Variants in NUP133 observed in about 807,000 individuals in gnomAD.
The protein encoded by NUP133 is nuclear pore complex protein Nup133.
NUP133 carries 66 observed loss-of-function variants against 146.2 expected under a neutral mutation model. The observed-to-expected ratio is 0.45, with a 90% CI of 0.37 to 0.55. The LOEUF (loss-of-function observed/expected upper bound fraction) is 0.55. Ranked by LOEUF, NUP133 falls within the 20% of genes least tolerant of loss-of-function variation. The pLI is 0.00. For synonymous variants in NUP133, 521 were observed against 498.8 expected, an observed-to-expected ratio of 1.04 and a Z score of -0.59; for missense variants, 1,277 against 1,374.8, an observed-to-expected ratio of 0.93 and a Z score of 1.12.
intron 12 of NUP133, among the ~76,000 whole-genome samples, chr1:229,478,184 G>A (rs1040677386): frequency 2.6e-5 from 4 of 152,052 alleles, no homozygotes; most frequent in Admixed American, 6.5e-5. Flanking sequence ...GAAGTTAAAT[G>A]TAACCTAAAA....
In NUP133 at chr1:229,468,675, A is replaced by C. The variant is rs141825422; in HGVS notation, c.2076+1905T>G. On this transcript the variant is annotated intron_variant, in intron 15 of 25. Transcript: ENST00000261396. ...ACTTATACTTTGCCCTTTGATCCAA[A>C]TGCAGAATAATGAACCAGGCTCTTG... is the stretch of plus-strand genomic sequence containing the variant. Among the ~76,000 whole-genome samples, 774 of 152,328 alleles carry C rather than the reference A, an allele frequency of 5.1e-3. 3 individuals are homozygous for C. The highest frequency in any genetic ancestry group is 7.2e-3 in the Non-Finnish European group (493 of 68,028).
rs984623395 is a variant in NUP133 at position 229,441,392 on chromosome 1, T to C, written c.*512A>G. Reference sequence around the variant, plus strand: ...TCAAGCTCACATGAGTTAGGCCCACTCTCCTTTGGTTTTTCATCTCATAAT... The same window carrying C: ...TCAAGCTCACATGAGTTAGGCCCACCCTCCTTTGGTTTTTCATCTCATAAT... On this transcript the variant is annotated 3_prime_UTR_variant, in exon 26 of 26. Transcript: ENST00000261396. The C allele has an allele frequency of 3.8e-6, 2 of 531,724 alleles. No homozygotes were observed. Among genetic ancestry groups the C allele is most frequent in the Non-Finnish European group, 7.7e-6 (2 of 259,346 alleles). The allele number at this position is 531,724 out of a possible 1,614,324, so 32.9% of individuals were successfully genotyped here.
intron 14 of NUP133, among the ~76,000 whole-genome samples, chr1:229,471,350 C>T (rs1660950754): frequency 6.6e-6 from 1 of 152,184 alleles, no homozygotes; most frequent in Admixed American, 6.5e-5. Context: ...CTCCTGGCCA[C>T]AAGCGAGCCT....
chr1:229,462,124 T>A (rs1262209306), intron 19 of NUP133, among the ~76,000 whole-genome samples: 2 of 152,248 alleles, frequency 1.3e-5, no homozygotes, highest in Non-Finnish European at 2.9e-5. Flanking sequence ...CCTCAGGTGA[T>A]CTGCCCACCT....
intron 2 of NUP133, among the ~76,000 whole-genome samples, chr1:229,503,978 AAT>A (rs151275172): frequency 0.22 from 33,954 of 151,576 alleles, 4,023 homozygotes; most frequent in Middle Eastern, 0.28. Flanking sequence ...CATATATACC[AAT>A]ATATATATAT....
At chr1:229,483,394 C>G (rs1261429659) in intron 12 of NUP133, among the ~76,000 whole-genome samples, 2 of 152,158 alleles carry the variant, frequency 1.3e-5, no homozygotes, top group Non-Finnish European at 2.9e-5. Context: ...AGCCACCACA[C>G]CAGGCCATAA....
At chr1:229,504,914 C>A (rs1242286753) in intron 2 of NUP133, among the ~76,000 whole-genome samples, 1 of 152,170 alleles carries the variant, frequency 6.6e-6, no homozygotes, top group Non-Finnish European at 1.5e-5. Context: ...TGCAGCATAT[C>A]CATACTGTAT....
intron 15 of NUP133, among the ~76,000 whole-genome samples, chr1:229,468,259 C>A (rs370788924): frequency 6.6e-6 from 1 of 152,106 alleles, no homozygotes; most frequent in Non-Finnish European, 1.5e-5. Context: ...TTTTGGTTAA[C>A]CAGCTCGTCC....
At chr1:229,492,679 T>A (rs1350093080) in intron 8 of NUP133, among the ~76,000 whole-genome samples, 3 of 151,938 alleles carry the variant, frequency 2.0e-5, no homozygotes, top group Non-Finnish European at 2.9e-5. Flanking sequence ...AAACCAAATA[T>A]CATATGTTCT....
At position 229,474,512 on chromosome 1, in the gene NUP133, T is replaced by C. The variant is rs149955975; in HGVS notation, c.1851+1126A>G. 5.3e-3 allele frequency among the ~76,000 whole-genome samples: 806 copies of C among 152,204 alleles called. 9 individuals are homozygous for C. Among genetic ancestry groups the C allele is most frequent in the African/African-American group, 0.019 (777 of 41,532 alleles). ...AACCATGCACAAAATTGAAAAAGAA[T>C]GTGGGATTAGGAACAATCAAGTCAT... On this transcript the variant is annotated intron_variant, in intron 14 of 25. Coordinates refer to ENST00000261396, the MANE Select transcript of NUP133 (RefSeq NM_018230.3).
intron 25 of NUP133, among the ~76,000 whole-genome samples, chr1:229,443,047 G>C (rs660198): frequency 0.34 from 50,878 of 151,738 alleles, 9,270 homozygotes; most frequent in South Asian, 0.5. Flanking sequence ...TTTTTATTGA[G>C]ACAGGGTCTC....
intron 5 of NUP133, among the ~76,000 whole-genome samples, chr1:229,498,911 T>A (rs886409627): frequency 1.3e-5 from 2 of 152,224 alleles, no homozygotes; most frequent in African/African-American, 4.8e-5. Flanking sequence ...CTATTTTATT[T>A]TTTTAGAGAT....
chr1:229,448,196 A>G (rs923237176), intron 24 of NUP133, among the ~76,000 whole-genome samples: 12 of 152,190 alleles, frequency 7.9e-5, no homozygotes, highest in African/African-American at 2.7e-4. Flanking sequence ...TGGGAGGCTG[A>G]GGTGGGCAGA....
At position 229,466,705 on chromosome 1, in the gene NUP133, C is replaced by T. The variant is rs1232614612; in HGVS notation, c.2128G>A (p.Val710Ile). Reference protein sequence around the residue: ...CECLLEHEEQVLRDAPMDSIE... With the variant: ...CECLLEHEEQILRDAPMDSIE... ...GAATCCATAGGTGCATCCCTCAAGA[C>T]TTGCTCCTCATGCTCCAGTAAGCAC... The change falls in exon 16 of 26, where the codon GTC becomes ATC. Residue 710 changes from valine (V) to isoleucine (I), a missense_variant. Physicochemically the swap from Val to Ile is conservative, Grantham distance 29 (BLOSUM62 3). This residue lies in a region of NUP133 where 952 missense variants were observed against 1,047.0 expected (regional missense o/e 0.91). Transcript: ENST00000261396. 6.2e-7 allele frequency: 1 copy of T among 1,613,726 alleles called. No individual in the cohort carries two copies. Among genetic ancestry groups the T allele is most frequent in the Admixed American group, 1.7e-5 (1 of 60,008 alleles).
At position 229,499,864 on chromosome 1, in the gene NUP133, C is replaced by T. The variant is rs10916496; in HGVS notation, c.514-46G>A. 7.9e-4 allele frequency: 1,241 copies of T among 1,574,196 alleles called. 9 individuals carry two copies. The African/African-American group carries it at 0.015, about 19-fold the overall frequency. On this transcript the variant is annotated intron_variant, in intron 4 of 25. Transcript: ENST00000261396. ...ATCAGCAATCACAATAAAAGAGGAA[C>T]CCAAAAACCAGCAGTCTGATGGCAA...
intron 9 of NUP133, among the ~76,000 whole-genome samples, chr1:229,489,146 CTTTTTCTTCTTTTTT>C (rs1412436011): frequency 5.3e-5 from 8 of 151,998 alleles, no homozygotes; most frequent in Non-Finnish European, 8.8e-5. Flanking sequence ...CTTCCTTTTT[CTTTTTCTTCTTTTTT>C]TAGGATGGAG....
chr1:229,448,155 G>A (rs910813259), intron 24 of NUP133, among the ~76,000 whole-genome samples: 1 of 152,254 alleles, frequency 6.6e-6, no homozygotes, highest in African/African-American at 2.4e-5. Flanking sequence ...GGAGCCGGGC[G>A]TGGTGGCTCA....
At chr1:229,458,819 C>T (rs1477886920) in intron 20 of NUP133, among the ~76,000 whole-genome samples, 8 of 151,016 alleles carry the variant, frequency 5.3e-5, no homozygotes. Context: ...AAGTGATTCT[C>T]CTGCCTCAGG....
intron 9 of NUP133, 22 bp from the exon 10 acceptor site, chr1:229,487,635 ACATTT>A: frequency 6.4e-7 from 1 of 1,552,892 alleles, no homozygotes. Context: ...ATTTAAGATT[ACATTT>A]AACAAGAAGT....
Sources: gnomAD v4.1 joint callset for allele counts (sites outside exome capture counted in the v4.1 genomes callset) on GRCh38, gnomAD v4.1.1 for gene constraint, gnomAD v4.1.1 regional missense constraint, MANE v1.5 for transcripts, NCBI Gene and HGNC (gene_info 2026-07-23, HGNC 2026-07-21) for gene names.